Variants in HCLS1 observed in about 807,000 individuals in gnomAD.
The protein encoded by HCLS1 is hematopoietic cell-specific Lyn substrate 1.
HCLS1 carries 44 observed loss-of-function variants against 68.6 expected under a neutral mutation model. The observed-to-expected ratio is 0.64, with a 90% CI of 0.50 to 0.82. The LOEUF (loss-of-function observed/expected upper bound fraction) is 0.82. HCLS1 is among the 40% of genes least tolerant of loss of function. The pLI is 0.00. For missense variants in HCLS1, 602 were observed against 612.1 expected (o/e 0.98, Z 0.17); for synonymous variants, 217 against 225.8 (o/e 0.96, Z 0.35).
chr3:121,647,073 C>T (rs965394920), intron 4 of HCLS1, among the ~76,000 whole-genome samples: 1 of 150,504 alleles, frequency 6.6e-6, no homozygotes, highest in Non-Finnish European at 1.5e-5. Context: ...GCTCTGCCTC[C>T]CAGGTTCACG....
chr3:121,640,197 C>A (rs1204551346), intron 6 of HCLS1, among the ~76,000 whole-genome samples: 1 of 151,888 alleles, frequency 6.6e-6, no homozygotes, highest in Non-Finnish European at 1.5e-5. Flanking sequence ...GCACAACATA[C>A]CATAACCAAC....
intron 11 of HCLS1, 101 bp from the exon 12 acceptor site, chr3:121,632,664 C>T: frequency 3.0e-6 from 3 of 991,532 alleles, no homozygotes; most frequent in Non-Finnish European, 4.5e-6. Context: ...GCCTCTTCTC[C>T]CCTCTACCCT....
At chr3:121,657,952 C>T (rs1297923447) in intron 2 of HCLS1, 8 of 319,470 alleles carry the variant, frequency 2.5e-5, no homozygotes, top group Non-Finnish European at 4.6e-5. Context: ...ATTACACATG[C>T]CCAGCTTGAA....
intron 1 of HCLS1, among the ~76,000 whole-genome samples, chr3:121,659,438 A>G (rs977402626): frequency 6.6e-6 from 1 of 152,098 alleles, no homozygotes; most frequent in African/African-American, 2.4e-5. Flanking sequence ...CATGCTCTCC[A>G]TCGTCTCCAA....
chr3:121,659,301 T>C (rs921403870), intron 1 of HCLS1, among the ~76,000 whole-genome samples: 1 of 151,860 alleles, frequency 6.6e-6, no homozygotes, highest in African/African-American at 2.4e-5. Flanking sequence ...GTGGATTTGG[T>C]GTGAAGAAGT....
intron 3 of HCLS1, among the ~76,000 whole-genome samples, chr3:121,650,778 T>G (rs1937732506): frequency 6.6e-6 from 1 of 152,128 alleles, no homozygotes; most frequent in South Asian, 2.1e-4. Flanking sequence ...CCCCATAAAT[T>G]TTTTTTCAAT....
At chr3:121,634,506 T>A (rs898579011) in intron 9 of HCLS1, 88 bp from the exon 10 acceptor site, 1 of 1,232,722 alleles carries the variant, frequency 8.1e-7, no homozygotes, top group African/African-American at 1.5e-5. Context: ...GGGAATCAGT[T>A]AAATATCCGG....
intron 3 of HCLS1, among the ~76,000 whole-genome samples, chr3:121,652,043 GA>G (rs977227972): frequency 6.6e-6 from 1 of 152,118 alleles, no homozygotes; most frequent in African/African-American, 2.4e-5. Flanking sequence ...CATACAATGG[GA>G]CACTACATGA....
At chr3:121,650,876 G>A (rs1232920026) in intron 3 of HCLS1, among the ~76,000 whole-genome samples, 1 of 152,128 alleles carries the variant, frequency 6.6e-6, no homozygotes. Context: ...GGTGGCTCAC[G>A]CCTGTAATCT....
At chr3:121,658,468 A>C (rs1169818890) in intron 1 of HCLS1, 121 bp from the exon 2 acceptor site, 5 of 726,970 alleles carry the variant, frequency 6.9e-6, no homozygotes, top group Non-Finnish European at 1.2e-5. Flanking sequence ...TTTTCTTAGA[A>C]GAAAATAGAA....
At chr3:121,654,737 C>CTGTTT (rs1422303209) in intron 3 of HCLS1, among the ~76,000 whole-genome samples, 1 of 152,190 alleles carries the variant, frequency 6.6e-6, no homozygotes, top group East Asian at 1.9e-4. Flanking sequence ...TCTACAGCTA[C>CTGTTT]TGTTTTGTTT....
intron 3 of HCLS1, among the ~76,000 whole-genome samples, chr3:121,652,625 A>C (rs757926053): frequency 9.9e-5 from 15 of 152,176 alleles, no homozygotes; most frequent in Non-Finnish European, 2.2e-4. Context: ...GTACCACTGC[A>C]CTCCAGCCTG....
chr3:121,660,618 C>T (rs747787833), intron 1 of HCLS1, among the ~76,000 whole-genome samples: 2 of 152,166 alleles, frequency 1.3e-5, no homozygotes, highest in Non-Finnish European at 2.9e-5. Context: ...GAAACACTTG[C>T]CTTGGGTTTA....
In HCLS1 at chr3:121,634,363, CT is replaced by C; in HGVS notation, c.746del (p.Lys249ArgfsTer23). The C allele has an allele frequency of 1.2e-6, 2 of 1,614,178 alleles. No individual in the cohort carries two copies. The highest frequency in any genetic ancestry group is 8.5e-7 in the Non-Finnish European group (1 of 1,180,008). On this transcript the variant is annotated frameshift_variant, in exon 10 of 14. Transcript: ENST00000314583. LOFTEE classifies it high-confidence loss of function. ...KAKFESMAEE[K>X]RKREEEEKAQ... ...CCTTCTCCTCTTCCTCTCGCTTCCT[CT>C]TCTCCTCAGCCATGGACTCAAATTT... is the stretch of plus-strand genomic sequence containing the variant.
chr3:121,659,487 C>T (rs1398052644), intron 1 of HCLS1, among the ~76,000 whole-genome samples: 7 of 152,180 alleles, frequency 4.6e-5, no homozygotes, highest in African/African-American at 1.7e-4. Context: ...TCTCCTGTCT[C>T]CACCTAGGCC....
intron 9 of HCLS1, among the ~76,000 whole-genome samples, chr3:121,635,237 T>TTCTCTCTCTCTCTCTCTCTC (rs201290743): frequency 8.7e-4 from 100 of 114,440 alleles, no homozygotes; most frequent in South Asian, 2.2e-3. Flanking sequence ...TCTCTCCCTT[T>TTCTCTCTCTCTCTCTCTCTC]TCTCTCTCTC....
intron 6 of HCLS1, among the ~76,000 whole-genome samples, chr3:121,641,997 G>A (rs959064202): frequency 6.8e-6 from 1 of 146,884 alleles, no homozygotes; most frequent in Non-Finnish European, 1.5e-5. Flanking sequence ...GGAGAATGGC[G>A]TGAACCCGGA....
chr3:121,646,396 G>GTAATATAT (rs1285495453), intron 4 of HCLS1, among the ~76,000 whole-genome samples: 1 of 50,458 alleles, frequency 2.0e-5, no homozygotes, highest in African/African-American at 6.8e-5. Context: ...ATATTACTAT[G>GTAATATAT]TAATATATTA....
At chr3:121,645,642 C>G (rs1382177354) in intron 4 of HCLS1, among the ~76,000 whole-genome samples, 1 of 151,804 alleles carries the variant, frequency 6.6e-6, no homozygotes, top group Non-Finnish European at 1.5e-5. Flanking sequence ...TATCTTGGTT[C>G]TTATTTTCTG....
Sources: allele counts gnomAD v4.1 joint callset (sites outside exome capture counted in the v4.1 genomes callset), GRCh38; gene constraint gnomAD v4.1.1; transcripts MANE v1.5; gene names NCBI Gene and HGNC (gene_info 2026-07-23, HGNC 2026-07-21).